The following SULF1 variants were observed in gnomAD, a reference collection of about 807,000 sequenced individuals.
SULF1 encodes the protein sulfatase 1.
In SULF1, 46 loss-of-function variants were observed where a neutral mutation model predicts 110.5. The observed-to-expected ratio is 0.42, with a 90% confidence interval of 0.33 to 0.53. The LOEUF is 0.53. Ranked by LOEUF, SULF1 falls within the 20% of genes least tolerant of loss-of-function variation. The pLI is 0.12. For synonymous variants in SULF1, 371 were observed against 387.1 expected (o/e 0.96, Z 0.49); for missense variants, 941 against 1,094.2 (o/e 0.86, Z 1.98).
At chr8:69,498,834 A>G (rs1029103665) in intron 2 of SULF1, among the ~76,000 whole-genome samples, 1 of 152,178 alleles carries the variant, frequency 6.6e-6, no homozygotes, top group African/African-American at 2.4e-5. Flanking sequence ...CACCCACGCA[A>G]TGGACCATGG....
chr8:69,468,143 G>A lies in SULF1; in HGVS notation c.-391+1193G>A, dbSNP rs570569745. On this transcript the variant is annotated intron_variant, in intron 1 of 22. Transcript: ENST00000260128. ...CGATAGCAACATTCATATACCTGTGGTATGCAGAGCTTCTGGCTCCTACTG... is the reference window on the plus strand; with the variant it reads ...CGATAGCAACATTCATATACCTGTGATATGCAGAGCTTCTGGCTCCTACTG... Among the ~76,000 whole-genome samples the A allele has an allele frequency of 3.9e-5, 6 of 152,282 alleles. No individual in the cohort carries two copies. The South Asian group carries it at 1.2e-3, about 32-fold the overall frequency.
chr8:69,505,140 C>T (rs959333696), intron 3 of SULF1, among the ~76,000 whole-genome samples: 1 of 152,148 alleles, frequency 6.6e-6, no homozygotes, highest in Non-Finnish European at 1.5e-5. Context: ...TTCAGATTGC[C>T]AGATTGTCCC....
At chr8:69,648,775 C>T (rs1812118009) in intron 22 of SULF1, among the ~76,000 whole-genome samples, 1 of 152,194 alleles carries the variant, frequency 6.6e-6, no homozygotes, top group Non-Finnish European at 1.5e-5. Flanking sequence ...TAACACTGCT[C>T]CAGGTAGAGT....
At chr8:69,516,175 G>A (rs1811906102) in intron 3 of SULF1, among the ~76,000 whole-genome samples, 1 of 152,090 alleles carries the variant, frequency 6.6e-6, no homozygotes, top group African/African-American at 2.4e-5. Context: ...TTCTCACATT[G>A]CTATAAAGAA....
chr8:69,502,195 G>A (rs1810845067), intron 3 of SULF1, among the ~76,000 whole-genome samples: 1 of 152,146 alleles, frequency 6.6e-6, no homozygotes, highest in African/African-American at 2.4e-5. Context: ...CCTAAGAAAT[G>A]TCAGAAGAAC....
rs191705509 is a variant in SULF1 at position 69,545,553 on chromosome 8, C to G, written c.-133-17986C>G. The stretch of plus-strand genomic sequence containing the variant: ...TTTACTACATGATGGAGCATTCCAT[C>G]TGTGAGAACTTCTCGTGGTCCAAGA... On this transcript the variant is annotated intron_variant, in intron 3 of 22. Transcript: ENST00000402687. Among the ~76,000 whole-genome samples, 321 of 152,316 alleles carry G rather than the reference C, an allele frequency of 2.1e-3. 3 individuals are homozygous for G. Among genetic ancestry groups the G allele is most frequent in the Admixed American group, 0.016 (248 of 15,288 alleles).
At chr8:69,583,999 C>T (rs148762576) in intron 6 of SULF1, among the ~76,000 whole-genome samples, 71 of 152,098 alleles carry the variant, frequency 4.7e-4, no homozygotes, top group African/African-American at 1.5e-3. Flanking sequence ...GAGAGAGGGA[C>T]GATTAACAGA....
chr8:69,488,121 A>G (rs1229675153), upstream of SULF1, among the ~76,000 whole-genome samples: 1 of 152,198 alleles, frequency 6.6e-6, no homozygotes, highest in African/African-American at 2.4e-5. Flanking sequence ...TGACCTTCCT[A>G]TTGTAAATCT....
At chr8:69,636,913 C>T (rs1811080380) in intron 19 of SULF1, among the ~76,000 whole-genome samples, 1 of 152,130 alleles carries the variant, frequency 6.6e-6, no homozygotes, top group Admixed American at 6.5e-5. Context: ...AAACCAGCAG[C>T]AGGCCACCAA....
chr8:69,609,347 G>A (rs1808465614), intron 13 of SULF1, among the ~76,000 whole-genome samples: 1 of 152,028 alleles, frequency 6.6e-6, no homozygotes, highest in South Asian at 2.1e-4. Context: ...CCCTGTCTCA[G>A]AAAAACAAAA....
intron 19 of SULF1, among the ~76,000 whole-genome samples, chr8:69,631,478 C>T (rs544871900): frequency 2.4e-4 from 37 of 152,300 alleles, no homozygotes; most frequent in African/African-American, 8.7e-4. Flanking sequence ...TTCACCTGAC[C>T]CCAGAAGGCT....
At chr8:69,551,995 G>A (rs1258200794) in intron 3 of SULF1, among the ~76,000 whole-genome samples, 2 of 152,218 alleles carry the variant, frequency 1.3e-5, no homozygotes, top group Non-Finnish European at 2.9e-5. Flanking sequence ...AGAAGGCTGA[G>A]GCAGGAGAAT....
chr8:69,617,437 T>G (rs1221360375), intron 13 of SULF1, among the ~76,000 whole-genome samples: 1 of 91,842 alleles, frequency 1.1e-5, no homozygotes, highest in East Asian at 3.1e-4. Context: ...ATATATATGT[T>G]TTTTTTTTTT....
At chr8:69,629,919 T>A (rs17664872) in intron 19 of SULF1, among the ~76,000 whole-genome samples, 24,185 of 152,226 alleles carry the variant, frequency 0.16, 2,302 homozygotes, top group Middle Eastern at 0.26. Context: ...CCTGATGATG[T>A]TGTTTCACAT....
intron 1 of SULF1, among the ~76,000 whole-genome samples, chr8:69,472,553 T>C (rs996443394): frequency 4.6e-5 from 7 of 152,212 alleles, no homozygotes; most frequent in African/African-American, 1.7e-4. Context: ...AATATGTCCT[T>C]AGACATTGGA....
At chr8:69,587,855 T>A (rs1806583631) in intron 7 of SULF1, among the ~76,000 whole-genome samples, 1 of 152,210 alleles carries the variant, frequency 6.6e-6, no homozygotes. Context: ...TGATTAAGTG[T>A]CAAAGACAAC....
At chr8:69,568,522 G>T (rs187972607) in intron 5 of SULF1, among the ~76,000 whole-genome samples, 2 of 152,294 alleles carry the variant, frequency 1.3e-5, no homozygotes, top group East Asian at 3.9e-4. Context: ...AGAACATTTT[G>T]TTCACATTAT....
Position 69,652,905 on chromosome 8 carries a change from G to A in SULF1, c.2586-5600G>A, listed in dbSNP as rs1812454254. On this transcript the variant is annotated intron_variant, in intron 22 of 22. Coordinates refer to ENST00000402687, the MANE Select transcript of SULF1 (RefSeq NM_001128205.2). ...CTCTCAGTCTACTCTGGCTTGGGAGGCTGCCAGATTTGCAAATCGTTCTTT... is the reference window on the plus strand; with the variant it reads ...CTCTCAGTCTACTCTGGCTTGGGAGACTGCCAGATTTGCAAATCGTTCTTT... Among the ~76,000 whole-genome samples the A allele has an allele frequency of 3.3e-5, 5 of 152,170 alleles. No individual in the cohort carries two copies. In the South Asian group the frequency reaches 1.0e-3, roughly 32 times the overall value.
chr8:69,513,970 C>T (rs1260980694), intron 3 of SULF1, among the ~76,000 whole-genome samples: 2 of 152,158 alleles, frequency 1.3e-5, no homozygotes, highest in Non-Finnish European at 2.9e-5. Context: ...TTTCAGGAGG[C>T]CTGAGCTTTG....
Sources: gnomAD v4.1 joint callset for allele counts (sites outside exome capture counted in the v4.1 genomes callset) on GRCh38, gnomAD v4.1.1 for gene constraint, MANE v1.5 for transcripts, NCBI Gene and HGNC (gene_info 2026-07-23, HGNC 2026-07-21) for gene names.